The following CFAP43 variants were observed in gnomAD, a reference collection of about 807,000 sequenced individuals.
The protein encoded by CFAP43 is cilia- and flagella-associated protein 43.
In CFAP43, 155 loss-of-function variants were observed where a neutral mutation model predicts 218.9. The ratio of observed to expected loss-of-function variants is 0.71; its 90% CI spans 0.62 to 0.81. CFAP43 has a LOEUF of 0.81. Ranked by LOEUF, CFAP43 falls within the 30% of genes least tolerant of loss-of-function variation. CFAP43 has a pLI of 0.00. For missense variants in CFAP43, 1,778 were observed against 1,954.3 expected (o/e 0.91, Z 1.70); for synonymous variants, 645 against 681.3 (o/e 0.95, Z 0.83).
At chr10:104,162,148 T>C (rs1045999528) in intron 25 of CFAP43, 107 bp from the exon 26 acceptor site, 4 of 1,310,088 alleles carry the variant, frequency 3.1e-6, no homozygotes, top group African/African-American at 2.9e-5. Context: ...GCATTTGGGA[T>C]TGGGGAAGGT....
intron 12 of CFAP43, 50 bp downstream of exon 12, chr10:104,192,149 A>G (rs750880937): frequency 7.3e-7 from 1 of 1,372,578 alleles, no homozygotes; most frequent in Admixed American, 2.1e-5. Context: ...ATAACCTTAA[A>G]TTCTTTGAAA....
intron 3 of CFAP43, among the ~76,000 whole-genome samples, chr10:104,218,416 T>C (rs1396574638): frequency 6.8e-6 from 1 of 147,918 alleles, no homozygotes; most frequent in Non-Finnish European, 1.5e-5. Flanking sequence ...TTTCAAGTCA[T>C]AAGCCTTATG....
chr10:104,146,320 A>G lies in CFAP43; in HGVS notation c.3798T>C (p.Ser1266=), dbSNP rs756517064. 37 of 1,613,788 alleles carry G rather than the reference A, an allele frequency of 2.3e-5. No homozygotes were observed. The highest frequency in any genetic ancestry group is 1.0e-4 in the Admixed American group (6 of 60,014). Residue 1266 remains serine, a synonymous_variant, in exon 30 of 38, where the codon TCT becomes TCC. Coordinates refer to ENST00000357060, the MANE Select transcript of CFAP43 (RefSeq NM_025145.7). ...KSQTSEAVRK[S]REDLDVCKEH... ...CCTTGCACACATCCAGGTCTTCTCTAGATTTCCGAACAGCTTCTGAAGTCT... is the reference window on the plus strand; with the variant it reads ...CCTTGCACACATCCAGGTCTTCTCTGGATTTCCGAACAGCTTCTGAAGTCT...
At chr10:104,220,666 G>A (rs978400092) in intron 3 of CFAP43, among the ~76,000 whole-genome samples, 3 of 152,042 alleles carry the variant, frequency 2.0e-5, no homozygotes, top group Non-Finnish European at 4.4e-5. Flanking sequence ...AAGCCTCCTC[G>A]AACAAAAACC....
intron 20 of CFAP43, among the ~76,000 whole-genome samples, 181 bp from the exon 21 acceptor site, chr10:104,169,029 T>C (rs1156607037): frequency 6.6e-6 from 1 of 152,200 alleles, no homozygotes; most frequent in Non-Finnish European, 1.5e-5. Context: ...ATCTCTGCCT[T>C]TGAGAACGTC....
At chr10:104,149,985 G>T (rs2088169985) in intron 28 of CFAP43, among the ~76,000 whole-genome samples, 1 of 151,996 alleles carries the variant, frequency 6.6e-6, no homozygotes, top group Non-Finnish European at 1.5e-5. Flanking sequence ...CTAATTTCTG[G>T]CTTTATAAAT....
In CFAP43 at chr10:104,140,172, T is replaced by A. The variant is rs537857586; in HGVS notation, c.4431+670A>T. 2.0e-5 allele frequency among the ~76,000 whole-genome samples: 3 copies of A among 152,184 alleles called. No homozygotes were observed. The South Asian group carries it at 6.2e-4, about 31-fold the overall frequency. On this transcript the variant is annotated intron_variant, in intron 34 of 37. Transcript: ENST00000357060. Reference sequence around the variant, plus strand: ...ACCTAAAGCTTATACAGAAATAACATTAAATGTTCATATTAGAAAAGAAGT... The same window carrying A: ...ACCTAAAGCTTATACAGAAATAACAATAAATGTTCATATTAGAAAAGAAGT...
At position 104,218,284 on chromosome 10, in the gene CFAP43, G is replaced by C. The variant is rs185901490; in HGVS notation, c.417-3858C>G. 3.4e-5 allele frequency among the ~76,000 whole-genome samples: 5 copies of C among 145,740 alleles called. No homozygotes were observed. In the East Asian group the frequency reaches 1.1e-3, roughly 31 times the overall value. ...AATGGCGTGAACCCGGGAGGCAGAG[G>C]TTGCAGTGAGCCGAGATCGCACCAC... On this transcript the variant is annotated intron_variant, in intron 3 of 37. Transcript: ENST00000357060.
intron 12 of CFAP43, among the ~76,000 whole-genome samples, chr10:104,191,629 C>T (rs887174023): frequency 2.0e-5 from 3 of 152,052 alleles, no homozygotes; most frequent in Non-Finnish European, 2.9e-5. Context: ...TTTCATCCCC[C>T]TACAAGGCCT....
intron 20 of CFAP43, among the ~76,000 whole-genome samples, chr10:104,170,100 A>G (rs939522309): frequency 2.0e-5 from 3 of 151,944 alleles, no homozygotes; most frequent in Non-Finnish European, 4.4e-5. Flanking sequence ...AAGCTCCTAA[A>G]CAGCTGAGTT....
Position 104,129,956 on chromosome 10 carries a change from T to G in CFAP43, c.*183A>C. ...CAATTCATGGTATTTTACACATTTA[T>G]TCATGCAGGACAAAAATTTGTATAC... On this transcript the variant is annotated 3_prime_UTR_variant, in exon 38 of 38. Transcript: ENST00000357060. 3.3e-6 allele frequency: 2 copies of G among 598,408 alleles called. No homozygotes were observed. The highest frequency in any genetic ancestry group is 5.4e-6 in the Non-Finnish European group (2 of 373,114). The allele number at this position is 598,408 out of a possible 1,614,324, so 37.1% of individuals were successfully genotyped here.
Position 104,230,644 on chromosome 10 carries a change from G to A in CFAP43, c.265C>T (p.Pro89Ser), listed in dbSNP as rs2091425242. The change falls in exon 2 of 38, where the codon CCT (proline) becomes TCT (serine). Residue 89 changes from proline (P) to serine (S), a missense_variant. By Grantham distance (74) the Pro-to-Ser change is moderately conservative (BLOSUM62 -1). This residue lies in a region of CFAP43 where 1,553 missense variants were observed against 1,685.2 expected (regional missense o/e 0.92). Transcript: ENST00000357060. ...VVAFSDRKLK[P>S]LIYVYSFPGL... ...GGAAAGCTGTATACGTAGATGAGAG[G>A]TTTTAGCTTCCGGTCAGAAAAAGCC... The A allele has an allele frequency of 5.6e-6, 9 of 1,614,014 alleles. No homozygotes were observed. The highest frequency in any genetic ancestry group is 6.8e-6 in the Non-Finnish European group (8 of 1,180,032).
chr10:104,206,156 A>T, intron 6 of CFAP43, 126 bp from the exon 7 acceptor site: 1 of 717,836 alleles, frequency 1.4e-6, no homozygotes, highest in Non-Finnish European at 2.3e-6. Context: ...CTATCATCAG[A>T]TCTATGTAAC....
chr10:104,148,274 A>G (rs2088075326), intron 28 of CFAP43, among the ~76,000 whole-genome samples: 1 of 152,240 alleles, frequency 6.6e-6, no homozygotes, highest in Non-Finnish European at 1.5e-5. Flanking sequence ...CACTCTTGTT[A>G]GCACCACTTA....
intron 12 of CFAP43, among the ~76,000 whole-genome samples, chr10:104,191,357 A>T (rs577622900): frequency 1.6e-4 from 25 of 152,242 alleles, no homozygotes; most frequent in African/African-American, 6.0e-4. Flanking sequence ...TACCATTCCA[A>T]GTACCTTTGT....
At chr10:104,176,908 T>C (rs991253892) in intron 19 of CFAP43, among the ~76,000 whole-genome samples, 8 of 151,644 alleles carry the variant, frequency 5.3e-5, no homozygotes, top group African/African-American at 1.9e-4. Flanking sequence ...TACATATAAA[T>C]AAAAAATAAA....
intron 19 of CFAP43, among the ~76,000 whole-genome samples, chr10:104,175,440 A>T (rs188158124): frequency 6.6e-6 from 1 of 152,294 alleles, no homozygotes; most frequent in Admixed American, 6.5e-5. Context: ...AAATAAATGA[A>T]AGATGTAAAT....
intron 23 of CFAP43, among the ~76,000 whole-genome samples, chr10:104,164,985 A>C (rs1186818301): frequency 6.6e-6 from 1 of 152,238 alleles, no homozygotes; most frequent in Non-Finnish European, 1.5e-5. Context: ...TACAGGATTT[A>C]AGTTGGCACA....
Position 104,232,322 on chromosome 10 carries a change from G to A in CFAP43, c.-76C>T. On this transcript the variant is annotated 5_prime_UTR_variant, in exon 1 of 38. Coordinates refer to ENST00000357060, the MANE Select transcript of CFAP43 (RefSeq NM_025145.7). ...GCGGGTCGGTTACCTTTCCGCCGCC[G>A]CGGGGCTGCGGGCCGCGACGCCGCT... The A allele has an allele frequency of 1.4e-6, 2 of 1,391,906 alleles. No individual in the cohort carries two copies. The highest frequency in any genetic ancestry group is 1.9e-6 in the Non-Finnish European group (2 of 1,051,812). The allele number at this position is 1,391,906 out of a possible 1,614,324, so 86.2% of individuals were successfully genotyped here.
Sources: gnomAD v4.1 joint callset for allele counts (sites outside exome capture counted in the v4.1 genomes callset) on GRCh38, gnomAD v4.1.1 for gene constraint, gnomAD v4.1.1 regional missense constraint, MANE v1.5 for transcripts, NCBI Gene and HGNC (gene_info 2026-07-23, HGNC 2026-07-21) for gene names.